CDH18: variants seen among roughly 807,000 people sequenced by gnomAD.
CDH18 encodes cadherin 18.
In CDH18, 31 loss-of-function variants were observed where a neutral mutation model predicts 67.9. That is an observed-to-expected ratio of 0.46 (90% CI 0.34 to 0.62). The LOEUF is 0.62. CDH18 is among the 20% of genes least tolerant of loss of function. CDH18 has a pLI of 0.01. For synonymous variants in CDH18, 362 were observed against 347.2 expected, an observed-to-expected ratio of 1.04 and a Z score of -0.48; for missense variants, 890 against 975.5, an observed-to-expected ratio of 0.91 and a Z score of 1.17.
chr5:20,305,424 C>T (rs1017964515), intron 1 of CDH18: 1 of 1,527,704 alleles, frequency 6.5e-7, no homozygotes, highest in African/African-American at 1.4e-5. Flanking sequence ...TCCTATCTGT[C>T]AGTTCCTTCT....
chr5:19,526,214 A>T (rs1161667792), intron 9 of CDH18, among the ~76,000 whole-genome samples: 2 of 152,186 alleles, frequency 1.3e-5, no homozygotes, highest in Non-Finnish European at 2.9e-5. Context: ...CAGAATGTAC[A>T]TCTTAATAAT....
intron 1 of CDH18, among the ~76,000 whole-genome samples, chr5:20,370,353 G>A (rs191122688): frequency 4.7e-4 from 69 of 146,494 alleles, no homozygotes; most frequent in Admixed American, 1.7e-3. Flanking sequence ...TTGTTAGCAC[G>A]TTTAAGTCTT....
chr5:19,760,113 AC>A (rs1772141155), intron 3 of CDH18, among the ~76,000 whole-genome samples: 1 of 152,086 alleles, frequency 6.6e-6, no homozygotes, highest in South Asian at 2.1e-4. Flanking sequence ...TGGTAGCTAC[AC>A]CCACCTTGCC....
At chr5:20,278,795 C>T (rs547880369) in intron 1 of CDH18, among the ~76,000 whole-genome samples, 2 of 152,046 alleles carry the variant, frequency 1.3e-5, no homozygotes, top group South Asian at 4.2e-4. Context: ...ATTGCTTATG[C>T]AATCAGTTAA....
chr5:20,398,414 T>A (rs1318282743), intron 1 of CDH18, among the ~76,000 whole-genome samples: 2 of 152,182 alleles, frequency 1.3e-5, no homozygotes, highest in African/African-American at 4.8e-5. Context: ...TATAAAATGG[T>A]CACATTCATT....
At chr5:20,488,466 C>A (rs1237571833) in intron 1 of CDH18, among the ~76,000 whole-genome samples, 5 of 151,848 alleles carry the variant, frequency 3.3e-5, no homozygotes, top group African/African-American at 1.2e-4. Context: ...GAATTTAGGA[C>A]AAAGGATAGT....
chr5:19,747,976 G>A (rs369148896), intron 3 of CDH18, among the ~76,000 whole-genome samples: 21 of 150,656 alleles, frequency 1.4e-4, no homozygotes, highest in Admixed American at 8.6e-4. Context: ...AGCCGGGCGT[G>A]GTGGCGGGCG....
At chr5:19,727,957 G>A (rs533155627) in intron 4 of CDH18, among the ~76,000 whole-genome samples, 3 of 151,944 alleles carry the variant, frequency 2.0e-5, no homozygotes, top group Non-Finnish European at 4.4e-5. Flanking sequence ...CAAGTGAAAC[G>A]GATTATCAGT....
chr5:19,852,862 C>A (rs181490155), intron 2 of CDH18, among the ~76,000 whole-genome samples: 4 of 152,162 alleles, frequency 2.6e-5, no homozygotes, highest in Middle Eastern at 6.8e-3. Context: ...TAATCCAGAG[C>A]AACCGGTGGC....
chr5:19,815,148 T>C (rs896380378), intron 3 of CDH18, among the ~76,000 whole-genome samples: 1 of 152,036 alleles, frequency 6.6e-6, no homozygotes, highest in African/African-American at 2.4e-5. Context: ...ATAAAATTCA[T>C]TTTCTCTGCA....
intron 3 of CDH18, among the ~76,000 whole-genome samples, chr5:19,779,246 AT>A (rs1400735527): frequency 3.9e-5 from 6 of 152,146 alleles, no homozygotes; most frequent in African/African-American, 1.2e-4. Flanking sequence ...TATAATATTA[AT>A]TTTATAGAAT....
intron 11 of CDH18, among the ~76,000 whole-genome samples, chr5:19,487,597 G>A (rs1234437935): frequency 6.6e-6 from 1 of 152,202 alleles, no homozygotes; most frequent in East Asian, 1.9e-4. Flanking sequence ...TAACCAATAT[G>A]TTCCTAGTAT....
chr5:19,756,027 C>A (rs1184349335), intron 3 of CDH18, among the ~76,000 whole-genome samples: 1 of 152,082 alleles, frequency 6.6e-6, no homozygotes, highest in African/African-American at 2.4e-5. Context: ...CACAAGTACA[C>A]CCCTTGTCAA....
rs575010470 is a variant in CDH18 at position 19,912,103 on chromosome 5, CAT to C, written c.-257+68955_-257+68956del. On this transcript the variant is annotated intron_variant, in intron 2 of 12. Coordinates refer to ENST00000382275, the MANE Select transcript of CDH18 (RefSeq NM_004934.5). ...ATCGATTCCAGGTAATAATTAAAGA[CAT>C]GTGTGAAAGTGCTCAGGAAGAGAGC... 2.4e-3 allele frequency among the ~76,000 whole-genome samples: 367 copies of C among 151,614 alleles called. 2 individuals carry two copies. The highest frequency in any genetic ancestry group is 8.1e-3 in the African/African-American group (333 of 41,344).
chr5:19,702,956 A>T (rs1462318353), intron 5 of CDH18, among the ~76,000 whole-genome samples: 1 of 152,192 alleles, frequency 6.6e-6, no homozygotes, highest in Non-Finnish European at 1.5e-5. Flanking sequence ...GCTGCAGATA[A>T]CTAGCCAGAG....
chr5:19,704,926 T>C (rs564281306), intron 5 of CDH18, among the ~76,000 whole-genome samples: 2 of 152,326 alleles, frequency 1.3e-5, no homozygotes, highest in Non-Finnish European at 2.9e-5. Context: ...TGGCCTTTAA[T>C]AGACATAGAT....
intron 1 of CDH18, among the ~76,000 whole-genome samples, chr5:20,432,956 T>C (rs1278191933): frequency 6.7e-6 from 1 of 148,844 alleles, no homozygotes; most frequent in East Asian, 1.9e-4. Flanking sequence ...ATATATAATG[T>C]ATATTTTAGA....
chr5:20,006,455 T>A (rs562267965), intron 2 of CDH18, among the ~76,000 whole-genome samples: 287 of 152,038 alleles, frequency 1.9e-3, no homozygotes, highest in African/African-American at 6.4e-3. Flanking sequence ...TTTGGAACTG[T>A]TAGAATTTTT....
chr5:19,975,064 T>A (rs1692701185), intron 2 of CDH18, among the ~76,000 whole-genome samples: 1 of 152,168 alleles, frequency 6.6e-6, no homozygotes, highest in South Asian at 2.1e-4. Flanking sequence ...CATGTTGAGG[T>A]TCCAGAGAAA....
Sources: gnomAD v4.1 joint callset for allele counts (sites outside exome capture counted in the v4.1 genomes callset) on GRCh38, gnomAD v4.1.1 for gene constraint, MANE v1.5 for transcripts, NCBI Gene and HGNC (gene_info 2026-07-23, HGNC 2026-07-21) for gene names.